The following ASB14 variants were observed in gnomAD, a reference collection of about 807,000 sequenced individuals.
ASB14 encodes ankyrin repeat and SOCS box protein 14.
A neutral mutation model predicts 55.6 loss-of-function variants in ASB14; 63 were observed. That is an observed-to-expected ratio of 1.13 (90% CI 0.92 to 1.40). ASB14 has a LOEUF of 1.40. Ranked by LOEUF, ASB14 falls within the 40% of genes most tolerant of loss-of-function variation. ASB14 has a pLI of 0.00. For missense variants in ASB14, 724 were observed against 710.4 expected, an observed-to-expected ratio of 1.02 and a Z score of -0.22; for synonymous variants, 256 against 259.9, an observed-to-expected ratio of 0.98 and a Z score of 0.15.
intron 8 of ASB14, 59 bp downstream of exon 8, chr3:57,278,318 A>G: frequency 1.4e-6 from 2 of 1,409,478 alleles, no homozygotes; most frequent in Non-Finnish European, 2.0e-6. Flanking sequence ...ATTTATTGCC[A>G]TAGTTCCAGG....
Position 57,283,313 on chromosome 3 carries a change from A to G in ASB14, c.596T>C (p.Val199Ala). Reference sequence around the variant, plus strand: ...TGCCCCAGAAACCAGCATAAGCTTCACCATGTCCTCTCTGCCCAGTTTGGC... The same window carrying G: ...TGCCCCAGAAACCAGCATAAGCTTCGCCATGTCCTCTCTGCCCAGTTTGGC... ...EAAKLGREDM[V>A]KLMLVSGAHP... Residue 199 changes from valine to alanine, a missense_variant, in exon 6 of 11, where the codon GTG (valine) becomes GCG (alanine). Transcript: ENST00000487349. The G allele has an allele frequency of 1.3e-6, 2 of 1,551,826 alleles. No individual in the cohort carries two copies. Among genetic ancestry groups the G allele is most frequent in the African/African-American group, 2.7e-5 (2 of 73,152 alleles).
intron 5 of ASB14, among the ~76,000 whole-genome samples, chr3:57,287,323 G>GATTCC (rs377267523): frequency 6.6e-6 from 1 of 152,284 alleles, no homozygotes; most frequent in African/African-American, 2.4e-5. Flanking sequence ...GGGCTGGTCA[G>GATTCC]ATTCCTCCAG....
chr3:57,287,685 T>C (rs1241065651), intron 5 of ASB14, among the ~76,000 whole-genome samples: 3 of 152,288 alleles, frequency 2.0e-5, no homozygotes, highest in South Asian at 4.1e-4. Flanking sequence ...GAAGGTACCA[T>C]GCGAAATGAG....
intron 10 of ASB14, among the ~76,000 whole-genome samples, chr3:57,275,444 T>C (rs1579419014): frequency 9.1e-6 from 1 of 109,380 alleles, no homozygotes; most frequent in African/African-American, 4.3e-5. Context: ...AGGACAAGAC[T>C]CCATCTCAAA....
At chr3:57,280,665 A>C (rs757197316) in intron 6 of ASB14, among the ~76,000 whole-genome samples, 192 bp from the exon 7 acceptor site, 15 of 152,328 alleles carry the variant, frequency 9.8e-5, no homozygotes, top group Middle Eastern at 3.4e-3. Flanking sequence ...GGAAGAAAAA[A>C]ATGGCAGTTT....
Position 57,276,731 on chromosome 3 carries a change from A to G in ASB14, c.1586-3T>C, listed in dbSNP as rs1461981789. On this transcript the variant is annotated splice_polypyrimidine_tract_variant and splice_region_variant and intron_variant, in intron 9 of 10. Transcript: ENST00000487349. ...ATGTTTTAGGGAGCGAGGGTTTGCT[A>G]AAAAGAAAAGGCACATTATCCAAAG... The G allele has an allele frequency of 1.9e-6, 3 of 1,604,052 alleles. No individual in the cohort carries two copies. Among genetic ancestry groups the G allele is most frequent in the Admixed American group, 1.7e-5 (1 of 57,680 alleles).
rs149623910 is a variant in ASB14 at position 57,278,611 on chromosome 3, A to G, written c.1197T>C (p.Tyr399=). The change falls in exon 8 of 11, where the codon TAT becomes TAC. Residue 399 remains tyrosine (Y), a synonymous_variant. Transcript: ENST00000487349. ...CLQIALRMGN[Y]ELISLLLRHG... ...GCCTTAGCAGCAGACTGATCAGCTC[A>G]TAGTTGCCCATCCTGAGGGCTATCT... 4.5e-4 allele frequency: 729 copies of G among 1,614,242 alleles called. 2 individuals carry two copies. The African/African-American group carries it at 8.8e-3, about 19-fold the overall frequency.
chr3:57,276,732 A>G lies in ASB14; in HGVS notation c.1586-4T>C. ...TGTTTTAGGGAGCGAGGGTTTGCTAAAAAGAAAAGGCACATTATCCAAAGA... is the reference window on the plus strand; with the variant it reads ...TGTTTTAGGGAGCGAGGGTTTGCTAGAAAGAAAAGGCACATTATCCAAAGA... On this transcript the variant is annotated splice_polypyrimidine_tract_variant and splice_region_variant and intron_variant, in intron 9 of 10. Coordinates refer to ENST00000487349, the MANE Select transcript of ASB14 (RefSeq NM_001142733.3). The G allele has an allele frequency of 6.2e-7, 1 of 1,603,964 alleles. No homozygotes were observed. Among genetic ancestry groups the G allele is most frequent in the South Asian group, 1.1e-5 (1 of 88,360 alleles).
intron 2 of ASB14, among the ~76,000 whole-genome samples, chr3:57,290,628 AGCCT>A (rs1159518996): frequency 6.6e-6 from 1 of 152,356 alleles, no homozygotes; most frequent in Non-Finnish European, 1.5e-5. Context: ...TAAATCAGCA[AGCCT>A]GCCTAAGTAT....
rs2060987675 is a variant in ASB14, at chr3:57,276,482, A to G, written c.*22+46T>C. On this transcript the variant is annotated intron_variant, in intron 10 of 10. Coordinates refer to ENST00000487349, the MANE Select transcript of ASB14 (RefSeq NM_001142733.3). ...TTGGTGGGTAAAGCAAAAAATATGA[A>G]TCATACATAAGTGAAATTTTAAGGA... 4.3e-6 allele frequency: 6 copies of G among 1,402,768 alleles called. No individual in the cohort carries two copies. In the Admixed American group the frequency reaches 6.4e-5, roughly 15 times the overall value. 86.9% of individuals were successfully genotyped at this position (1,402,768 alleles called of 1,614,324 possible). A position where few individuals can be genotyped will look rare whatever the true frequency, so the allele number is the denominator to read the frequency against.
chr3:57,289,206 TG>T (rs1489499066), intron 2 of ASB14, 83 bp from the exon 3 acceptor site: 7 of 918,392 alleles, frequency 7.6e-6, no homozygotes, highest in Admixed American at 6.3e-5. Context: ...GAAAGGGTAA[TG>T]GTAGCAGTAG....
At chr3:57,287,271 T>C (rs976576145) in intron 5 of ASB14, among the ~76,000 whole-genome samples, 9 of 152,186 alleles carry the variant, frequency 5.9e-5, no homozygotes, top group Non-Finnish European at 1.5e-5. Context: ...GGGCCACTTA[T>C]TGGGAAAGCC....
rs974858796 is a variant in ASB14 at position 57,283,347 on chromosome 3, G to A, written c.562C>T (p.His188Tyr). 2.6e-6 allele frequency: 4 copies of A among 1,551,736 alleles called. No individual in the cohort carries two copies. The highest frequency in any genetic ancestry group is 3.5e-6 in the Non-Finnish European group (4 of 1,146,984). The change falls in exon 6 of 11, where the codon CAC becomes TAC. Residue 188 changes from histidine (H) to tyrosine (Y), a missense_variant. His to Tyr is a moderately conservative substitution (Grantham distance 83). Coordinates refer to ENST00000487349, the MANE Select transcript of ASB14 (RefSeq NM_001142733.3). The stretch of plus-strand genomic sequence containing the variant: ...TCTCTGCCCAGTTTGGCTGCTTCGT[G>A]GAGAGCTGTCCTCTCGTTGGCACAA... ...LRCANERTAL[H>Y]EAAKLGREDM...
At chr3:57,278,950 C>A (rs776556428) in intron 7 of ASB14, 30 bp from the exon 8 acceptor site, 6 of 1,597,396 alleles carry the variant, frequency 3.8e-6, no homozygotes, top group Non-Finnish European at 5.1e-6. Context: ...TGCATTTCAA[C>A]ATTGTTTTTA....
chr3:57,276,481 A>AAT lies in ASB14; in HGVS notation c.*22+45_*22+46dup, dbSNP rs1447471596. On this transcript the variant is annotated intron_variant, in intron 10 of 10. Transcript: ENST00000487349. ...GTTGGTGGGTAAAGCAAAAAATATGAATCATACATAAGTGAAATTTTAAGG... is the reference window on the plus strand; with the variant it reads ...GTTGGTGGGTAAAGCAAAAAATATGAATATCATACATAAGTGAAATTTTAAGG... 8 of 1,390,440 alleles carry AAT rather than the reference A, an allele frequency of 5.8e-6. No individual in the cohort carries two copies. The African/African-American group carries it at 1.2e-4, about 20-fold the overall frequency. The allele number at this position is 1,390,440 out of a possible 1,614,324, so 86.1% of individuals were successfully genotyped here. A position where few individuals can be genotyped will look rare whatever the true frequency, so the allele number is the denominator to read the frequency against.
At chr3:57,279,910 G>A (rs147447376) in intron 7 of ASB14, among the ~76,000 whole-genome samples, 33 of 152,118 alleles carry the variant, frequency 2.2e-4, no homozygotes, top group African/African-American at 6.7e-4. Flanking sequence ...TTCTGGCAGC[G>A]GGGGTTGGGG....
chr3:57,283,448 TGA>T lies in ASB14; in HGVS notation c.470-11_470-10del. The T allele has an allele frequency of 3.2e-6, 5 of 1,550,008 alleles. No homozygotes were observed. The highest frequency in any genetic ancestry group is 4.4e-6 in the Non-Finnish European group (5 of 1,146,276). Reference sequence around the variant, plus strand: ...GCAGTCACGCAGCACAGCTGGGAAATGAGAAGTGTGGTGGGCATGTTCAACGG... The same window carrying T: ...GCAGTCACGCAGCACAGCTGGGAAATGAAGTGTGGTGGGCATGTTCAACGG... On this transcript the variant is annotated splice_polypyrimidine_tract_variant and intron_variant, in intron 5 of 10. Transcript: ENST00000487349.
intron 3 of ASB14, 180 bp downstream of exon 3, chr3:57,288,888 G>A (rs1398509127): frequency 2.3e-6 from 1 of 427,508 alleles, no homozygotes; most frequent in East Asian, 4.6e-5. Context: ...CTAATTTTTT[G>A]CATTTTTAGT....
chr3:57,281,912 G>T (rs889828480), intron 6 of ASB14, among the ~76,000 whole-genome samples: 2 of 152,070 alleles, frequency 1.3e-5, no homozygotes, highest in African/African-American at 4.8e-5. Context: ...TGTGTCACTT[G>T]GTGCAAATTA....
Sources: gnomAD v4.1 joint callset for allele counts (sites outside exome capture counted in the v4.1 genomes callset) on GRCh38, gnomAD v4.1.1 for gene constraint, MANE v1.5 for transcripts, NCBI Gene and HGNC (gene_info 2026-07-23, HGNC 2026-07-21) for gene names.